Variants in RPS18 observed in about 807,000 individuals in gnomAD.
RPS18 encodes small ribosomal subunit protein uS13.
For missense variants in RPS18, 49 were observed against 200.8 expected (o/e 0.24, Z 4.57); for synonymous variants, 64 against 70.9 (o/e 0.90, Z 0.49).
rs1441310149 is a variant in RPS18 at position 33,275,892 on chromosome 6, A to G, written c.189+9A>G. The G allele has an allele frequency of 1.2e-6, 2 of 1,610,492 alleles. No individual in the cohort carries two copies. The highest frequency in any genetic ancestry group is 1.7e-6 in the Non-Finnish European group (2 of 1,176,746). On this transcript the variant is annotated intron_variant, in intron 3 of 5. Transcript: ENST00000439602. Reference sequence around the variant, plus strand: ...AACTCACTGAGGATGAGGTGAGGACAAGGAAGGGGGCTGGGGGTGGGGTCA... The same window carrying G: ...AACTCACTGAGGATGAGGTGAGGACGAGGAAGGGGGCTGGGGGTGGGGTCA...
At chr6:33,272,464 T>A in intron 1 of RPS18, 164 bp from the exon 2 acceptor site, 1 of 677,384 alleles carries the variant, frequency 1.5e-6, no homozygotes, top group Non-Finnish European at 2.7e-6. Flanking sequence ...TCTGCAGGAC[T>A]GAGGAGTTTG....
Position 33,276,084 on chromosome 6 carries a change from G to T in RPS18, c.291+18G>T. On this transcript the variant is annotated intron_variant, in intron 4 of 5. Coordinates refer to ENST00000439602, the MANE Select transcript of RPS18 (RefSeq NM_022551.3). ...ACAGCCAGGTGTGTACTGAAATGAG[G>T]GCAGGATTAGAGGAAGGGTGGAGGG... The T allele has an allele frequency of 6.2e-7, 1 of 1,610,258 alleles. No homozygotes were observed. The highest frequency in any genetic ancestry group is 1.1e-5 in the South Asian group (1 of 91,006).
At position 33,272,723 on chromosome 6, in the gene RPS18, T is replaced by C; in HGVS notation, c.99T>C (p.Ile33=). The C allele has an allele frequency of 6.7e-7, 1 of 1,492,598 alleles. No individual in the cohort carries two copies. 92.5% of individuals were successfully genotyped at this position (1,492,598 alleles called of 1,614,324 possible). The change falls in exon 2 of 6, where the codon ATT becomes ATC. Residue 33 remains isoleucine (I), a synonymous_variant. Transcript: ENST00000439602. ...AAATAGCCTTTGCCATCACTGCCAT[T>C]AAGGTAAGTGAAGTAGGGTAAGGAA... The part of the protein sequence containing the change: ...RRKIAFAITA[I]KGVGRRYAHV...
rs1765308437 is a variant in RPS18 at position 33,272,735 on chromosome 6, AGTAG to A, written c.102+11_102+14del. 7.5e-7 allele frequency: 1 copy of A among 1,324,720 alleles called. No homozygotes were observed. Among genetic ancestry groups the A allele is most frequent in the Admixed American group, 1.7e-5 (1 of 59,648 alleles). The allele number at this position is 1,324,720 out of a possible 1,614,324, so 82.1% of individuals were successfully genotyped here. On this transcript the variant is annotated intron_variant, in intron 2 of 5. Coordinates refer to ENST00000439602, the MANE Select transcript of RPS18 (RefSeq NM_022551.3). Reference sequence around the variant, plus strand: ...CCATCACTGCCATTAAGGTAAGTGAAGTAGGGTAAGGAATAGGGAATGTAAATGA... The same window carrying A: ...CCATCACTGCCATTAAGGTAAGTGAAGGTAAGGAATAGGGAATGTAAATGA...
intron 1 of RPS18, 117 bp downstream of exon 1, chr6:33,272,239 T>A: frequency 1.7e-6 from 2 of 1,157,936 alleles, no homozygotes; most frequent in Non-Finnish European, 2.5e-6. Flanking sequence ...GTATGGAGCC[T>A]TGGATCGCGT....
chr6:33,273,271 ATCTT>A (rs778235099), intron 2 of RPS18, among the ~76,000 whole-genome samples: 11 of 152,222 alleles, frequency 7.2e-5, no homozygotes, highest in Non-Finnish European at 1.5e-4. Context: ...GAGTACATCC[ATCTT>A]TCTTTGGCTT....
rs753654926 is a variant in RPS18, at chr6:33,276,471, G to T, written c.*5G>T. 6 of 1,597,858 alleles carry T rather than the reference G, an allele frequency of 3.8e-6. No homozygotes were observed. The highest frequency in any genetic ancestry group is 5.1e-6 in the Non-Finnish European group (6 of 1,167,288). On this transcript the variant is annotated 3_prime_UTR_variant, in exon 6 of 6. Coordinates refer to ENST00000439602, the MANE Select transcript of RPS18 (RefSeq NM_022551.3). ...GGTGTGTCCAAGAAGAAATAAGTCT[G>T]TAGGCCTTGTCTGTTAATAAATAGT...
At chr6:33,275,360 C>T (rs951300470) in intron 2 of RPS18, 4 of 172,112 alleles carry the variant, frequency 2.3e-5, no homozygotes, top group African/African-American at 9.6e-5. Context: ...TCACTGTCGC[C>T]CAGGTTAGAG....
chr6:33,272,797 A>G, intron 2 of RPS18, 71 bp downstream of exon 2: 1 of 823,090 alleles, frequency 1.2e-6, no homozygotes, highest in Non-Finnish European at 2.2e-6. Context: ...GCAAAAATGA[A>G]GCAAGGCTGG....
At chr6:33,272,246 GCGTCC>G in intron 1 of RPS18, 124 bp downstream of exon 1, 2 of 1,124,708 alleles carry the variant, frequency 1.8e-6, no homozygotes, top group South Asian at 2.7e-5. Context: ...GCCTTGGATC[GCGTCC>G]CTGGAAAGGG....
chr6:33,273,634 G>T (rs928925633), intron 2 of RPS18, among the ~76,000 whole-genome samples: 3 of 152,184 alleles, frequency 2.0e-5, no homozygotes, highest in African/African-American at 7.2e-5. Context: ...TTCAGAGACC[G>T]GCTGTGAGGC....
In RPS18 at chr6:33,272,107, T is replaced by C. The variant is rs1221208688; in HGVS notation, c.-13T>C. 1.3e-6 allele frequency: 2 copies of C among 1,567,716 alleles called. No individual in the cohort carries two copies. Among genetic ancestry groups the C allele is most frequent in the African/African-American group, 2.7e-5 (2 of 73,864 alleles). ...CCACAGGAGGCCTACACGCCGCCGCTTGTGCTGCAGCCATGGTAAGACTGG... is the reference window on the plus strand; with the variant it reads ...CCACAGGAGGCCTACACGCCGCCGCCTGTGCTGCAGCCATGGTAAGACTGG... On this transcript the variant is annotated 5_prime_UTR_variant, in exon 1 of 6. Transcript: ENST00000439602.
chr6:33,272,569 G>A (rs1765288027), intron 1 of RPS18, 59 bp from the exon 2 acceptor site: 2 of 822,184 alleles, frequency 2.4e-6, no homozygotes, highest in East Asian at 2.4e-5. Context: ...TTGCCTTATC[G>A]GCCTTACTGT....
chr6:33,275,667 G>GAA (rs1765580491), intron 2 of RPS18, 130 bp from the exon 3 acceptor site: 1 of 734,632 alleles, frequency 1.4e-6, no homozygotes, highest in African/African-American at 1.7e-5. Context: ...GGTGGGTGAG[G>GAA]AAAGGGTGAC....
chr6:33,276,084 G>A lies in RPS18; in HGVS notation c.291+18G>A, dbSNP rs1257221298. The A allele has an allele frequency of 4.3e-6, 7 of 1,610,258 alleles. No individual in the cohort carries two copies. Among genetic ancestry groups the A allele is most frequent in the Non-Finnish European group, 5.1e-6 (6 of 1,176,634 alleles). The stretch of plus-strand genomic sequence containing the variant: ...ACAGCCAGGTGTGTACTGAAATGAG[G>A]GCAGGATTAGAGGAAGGGTGGAGGG... On this transcript the variant is annotated intron_variant, in intron 4 of 5. Transcript: ENST00000439602.
intron 2 of RPS18, 39 bp from the exon 3 acceptor site, chr6:33,275,758 A>G: frequency 7.7e-7 from 1 of 1,297,176 alleles, no homozygotes; most frequent in Non-Finnish European, 1.1e-6. Flanking sequence ...TTTAAAAATC[A>G]GATTCAACAC....
intron 1 of RPS18, 117 bp downstream of exon 1, chr6:33,272,239 T>C: frequency 8.6e-7 from 1 of 1,157,936 alleles, no homozygotes; most frequent in Non-Finnish European, 1.3e-6. Flanking sequence ...GTATGGAGCC[T>C]TGGATCGCGT....
chr6:33,274,157 A>T (rs1404947484), intron 2 of RPS18, among the ~76,000 whole-genome samples: 2 of 152,162 alleles, frequency 1.3e-5, no homozygotes, highest in African/African-American at 2.4e-5. Flanking sequence ...ACCTCAGGTG[A>T]TCCACCCACC....
chr6:33,275,931 G>A (rs1443373610), intron 3 of RPS18, 34 bp from the exon 4 acceptor site: 6 of 1,606,474 alleles, frequency 3.7e-6, no homozygotes, highest in African/African-American at 1.3e-5. Flanking sequence ...TCAGAAAGGG[G>A]TCCATCTAGA....
Sources: allele counts gnomAD v4.1 joint callset (sites outside exome capture counted in the v4.1 genomes callset), GRCh38; gene constraint gnomAD v4.1.1; transcripts MANE v1.5; gene names NCBI Gene and HGNC (gene_info 2026-07-23, HGNC 2026-07-21).